SAMD7: variants seen among roughly 807,000 people sequenced by gnomAD.
The protein encoded by SAMD7 is sterile alpha motif domain-containing protein 7.
SAMD7 carries 34 observed loss-of-function variants against 36.7 expected under a neutral mutation model. The observed-to-expected ratio is 0.93, with a 90% CI of 0.71 to 1.23. SAMD7 has a LOEUF of 1.23. SAMD7 is among the 50% of genes most tolerant of loss of function. The pLI is 0.00. For synonymous variants in SAMD7, 188 were observed against 189.7 expected (o/e 0.99, Z 0.07); for missense variants, 570 against 546.6 (o/e 1.04, Z -0.43).
Position 169,938,329 on chromosome 3 carries a change from T to A in SAMD7, c.1164T>A (p.His388Gln), listed in dbSNP as rs754927568. Reference protein sequence around the residue: ...ALKIQSQVSQHVGSMFYKKTL... With the variant: ...ALKIQSQVSQQVGSMFYKKTL... ...TTTTGTCTTAAAAGGTATCTCAGCA[T>A]GTGGGAAGTATGTTCTACAAGAAAA... is the stretch of plus-strand genomic sequence containing the variant. The change falls in exon 9 of 9, where the codon CAT becomes CAA. Residue 388 changes from histidine (H) to glutamine (Q), a missense_variant. Coordinates refer to ENST00000335556, the MANE Select transcript of SAMD7 (RefSeq NM_001304366.2). 1 of 1,603,450 alleles carries A rather than the reference T, an allele frequency of 6.2e-7. No individual in the cohort carries two copies. The highest frequency in any genetic ancestry group is 8.5e-7 in the Non-Finnish European group (1 of 1,173,330).
chr3:169,914,709 C>T (rs965731784), intron 1 of SAMD7, among the ~76,000 whole-genome samples: 15 of 152,146 alleles, frequency 9.9e-5, no homozygotes, highest in African/African-American at 3.6e-4. Context: ...TATCCTTTCC[C>T]ATTGGCCAAA....
At chr3:169,917,625 G>GTTTA (rs61311120) in intron 2 of SAMD7, among the ~76,000 whole-genome samples, 72,152 of 145,890 alleles carry the variant, frequency 0.49, 18,474 homozygotes, top group Non-Finnish European at 0.55. Flanking sequence ...TTATTTGTTT[G>GTTTA]TTTATTTATT....
intron 1 of SAMD7, among the ~76,000 whole-genome samples, chr3:169,913,819 G>A (rs765931816): frequency 1.3e-5 from 2 of 152,140 alleles, no homozygotes; most frequent in East Asian, 1.9e-4. Flanking sequence ...TTAAAGACTC[G>A]TGCTTGATCA....
chr3:169,923,667 G>C (rs537844625), intron 4 of SAMD7, among the ~76,000 whole-genome samples: 17 of 152,182 alleles, frequency 1.1e-4, no homozygotes, highest in African/African-American at 3.9e-4. Context: ...ACTTGAACAC[G>C]GGAGAGGGAG....
chr3:169,917,219 A>G (rs975016314), intron 2 of SAMD7, among the ~76,000 whole-genome samples: 3 of 152,226 alleles, frequency 2.0e-5, no homozygotes, highest in African/African-American at 7.2e-5. Context: ...GTATATTTAA[A>G]TACCATTATA....
At position 169,926,395 on chromosome 3, in the gene SAMD7, A is replaced by G. The variant is rs903951771; in HGVS notation, c.291-158A>G. The G allele has an allele frequency of 6.8e-6, 8 of 1,168,700 alleles. No individual in the cohort carries two copies. The African/African-American group carries it at 1.1e-4, about 16-fold the overall frequency. 72.4% of individuals were successfully genotyped at this position (1,168,700 alleles called of 1,614,324 possible). A position where few individuals can be genotyped will look rare whatever the true frequency, so the allele number is the denominator to read the frequency against. ...AGACAAAGCTTCAGATCTTACTCAAAACTCTCCTTCCCAGTGGCTTTGTGG... is the reference window on the plus strand; with the variant it reads ...AGACAAAGCTTCAGATCTTACTCAAGACTCTCCTTCCCAGTGGCTTTGTGG... On this transcript the variant is annotated intron_variant, in intron 5 of 8. Coordinates refer to ENST00000335556, the MANE Select transcript of SAMD7 (RefSeq NM_001304366.2).
intron 4 of SAMD7, 105 bp from the exon 5 acceptor site, chr3:169,924,953 T>C (rs76553134): frequency 1.2e-5 from 9 of 756,450 alleles, no homozygotes; most frequent in Non-Finnish European, 1.9e-5. Context: ...TGGTTTGTTT[T>C]TTTTTTTTCA....
intron 7 of SAMD7, among the ~76,000 whole-genome samples, chr3:169,931,060 A>G (rs148807027): frequency 2.0e-5 from 3 of 152,320 alleles, no homozygotes; most frequent in East Asian, 1.9e-4. Context: ...AATAACAACT[A>G]AAACCCAAAG....
chr3:169,924,556 T>C (rs2108260275), intron 4 of SAMD7, among the ~76,000 whole-genome samples: 1 of 152,162 alleles, frequency 6.6e-6, no homozygotes, highest in East Asian at 1.9e-4. Context: ...CACTGCACTT[T>C]AGCCTGGATG....
intron 6 of SAMD7, among the ~76,000 whole-genome samples, 153 bp downstream of exon 6, chr3:169,927,334 G>C (rs146309716): frequency 0.033 from 3,860 of 115,790 alleles, 179 homozygotes; most frequent in African/African-American, 0.12. Context: ...CCGCTCAGTC[G>C]CCCAGGCTGG....
Sources: allele counts gnomAD v4.1 joint callset (sites outside exome capture counted in the v4.1 genomes callset), GRCh38; gene constraint gnomAD v4.1.1; transcripts MANE v1.5; gene names NCBI Gene and HGNC (gene_info 2026-07-23, HGNC 2026-07-21).